SSBP3: variants seen among roughly 807,000 people sequenced by gnomAD.
The protein encoded by SSBP3 is single stranded DNA binding protein 3, also known as single-stranded DNA-binding protein 3.
SSBP3 carries 5 observed loss-of-function variants against 69.6 expected under a neutral mutation model. The ratio of observed to expected loss-of-function variants is 0.07; its 90% CI spans 0.04 to 0.15. The LOEUF (loss-of-function observed/expected upper bound fraction) is 0.15, where lower values mean the gene tolerates loss of function less well. SSBP3 is among the 10% of genes least tolerant of loss of function. SSBP3 has a pLI of 1.00. For synonymous variants in SSBP3, 196 were observed against 193.4 expected (o/e 1.01, Z -0.11); for missense variants, 312 against 534.0 (o/e 0.58, Z 4.10).
At chr1:54,233,958 T>C (rs909535002) in intron 14 of SSBP3, among the ~76,000 whole-genome samples, 2 of 152,246 alleles carry the variant, frequency 1.3e-5, no homozygotes, top group African/African-American at 4.8e-5. Flanking sequence ...GCCGTGTCTG[T>C]GTAGAAAGTA....
At chr1:54,314,614 T>C (rs191675713) in intron 4 of SSBP3, among the ~76,000 whole-genome samples, 2 of 152,230 alleles carry the variant, frequency 1.3e-5, no homozygotes, top group Non-Finnish European at 2.9e-5. Flanking sequence ...ACCTTGAACA[T>C]GCTTCCCTAG....
chr1:54,238,970 T>C (rs1644554836), intron 14 of SSBP3, 159 bp downstream of exon 14: 9 of 395,644 alleles, frequency 2.3e-5, no homozygotes, highest in Admixed American at 6.8e-5. Context: ...AAATGGGAAC[T>C]GAGTTGCCCA....
chr1:54,227,216 C>T lies in SSBP3; in HGVS notation c.1138-56G>A, dbSNP rs1644302346. 3 of 1,034,040 alleles carry T rather than the reference C, an allele frequency of 2.9e-6. No homozygotes were observed. In the Admixed American group the frequency reaches 5.1e-5, roughly 18 times the overall value. 64.1% of individuals were successfully genotyped at this position (1,034,040 alleles called of 1,614,324 possible). A position where few individuals can be genotyped will look rare whatever the true frequency, so the allele number is the denominator to read the frequency against. On this transcript the variant is annotated intron_variant, in intron 17 of 17. Coordinates refer to ENST00000610401, the Ensembl canonical transcript of SSBP3. Reference sequence around the variant, plus strand: ...GTGAGGATTGTGGGGAGGCCGCTGACACACCCAGGTGCCAAGAGCCTGGGG... The same window carrying T: ...GTGAGGATTGTGGGGAGGCCGCTGATACACCCAGGTGCCAAGAGCCTGGGG...
rs1029048013 is a variant in SSBP3, at chr1:54,376,034, T to C, written c.276+25827A>G. On this transcript the variant is annotated intron_variant, in intron 4 of 17. Coordinates refer to ENST00000610401, the Ensembl canonical transcript of SSBP3. The stretch of plus-strand genomic sequence containing the variant: ...AGGGAGGGGGAGGAAAGAGCCTTTG[T>C]GCTGGCTTCCCCCACTCCACAGTAC... Among the ~76,000 whole-genome samples the C allele has an allele frequency of 5.3e-5, 8 of 152,212 alleles. No homozygotes were observed. The South Asian group carries it at 1.5e-3, about 28-fold the overall frequency.
intron 14 of SSBP3, among the ~76,000 whole-genome samples, chr1:54,230,917 A>C (rs1644369479): frequency 6.6e-6 from 1 of 152,218 alleles, no homozygotes; most frequent in African/African-American, 2.4e-5. Context: ...TCATCAGCAG[A>C]AGGAACGTTC....
chr1:54,238,607 C>T (rs1644543809), intron 14 of SSBP3: 3 of 329,930 alleles, frequency 9.1e-6, no homozygotes, highest in East Asian at 8.1e-5. Context: ...ATGTGAGCTG[C>T]AACATCACCC....
chr1:54,238,168 T>A, intron 14 of SSBP3: 1 of 471,002 alleles, frequency 2.1e-6, no homozygotes, highest in East Asian at 7.0e-5. Context: ...GGCTGCTGGA[T>A]GTAGGCAATA....
intron 4 of SSBP3, among the ~76,000 whole-genome samples, chr1:54,353,358 C>T (rs1320047956): frequency 6.6e-6 from 1 of 152,210 alleles, no homozygotes; most frequent in Non-Finnish European, 1.5e-5. Context: ...CTTTCAGATC[C>T]TACAGGTTCC....
chr1:54,261,305 C>T (rs977049586), intron 5 of SSBP3, among the ~76,000 whole-genome samples: 2 of 152,244 alleles, frequency 1.3e-5, no homozygotes, highest in African/African-American at 4.8e-5. Context: ...ACAAAAAGTG[C>T]TCTCGTCTTC....
chr1:54,331,595 C>G lies in SSBP3; in HGVS notation c.277-50068G>C, dbSNP rs1042303815. On this transcript the variant is annotated intron_variant, in intron 4 of 17. Transcript: ENST00000610401. ...AATAACAGAGCTGGAGTTCCTCTTA[C>G]GTGACACAGGATTTGGCATTTGCCT... Among the ~76,000 whole-genome samples, 7 of 152,352 alleles carry G rather than the reference C, an allele frequency of 4.6e-5. No individual in the cohort carries two copies. In the East Asian group the frequency reaches 7.7e-4, roughly 17 times the overall value.
intron 4 of SSBP3, among the ~76,000 whole-genome samples, chr1:54,321,585 G>A (rs919458026): frequency 5.9e-5 from 9 of 152,250 alleles, no homozygotes; most frequent in African/African-American, 1.9e-4. Flanking sequence ...TAACCTGACT[G>A]CACTTCGGTT....
chr1:54,378,053 G>A (rs1484199118), intron 4 of SSBP3, among the ~76,000 whole-genome samples: 1 of 152,066 alleles, frequency 6.6e-6, no homozygotes, highest in African/African-American at 2.4e-5. Context: ...AACCTCTACA[G>A]GCCCCGGTCC....
At chr1:54,251,727 G>A (rs1175487486) in intron 8 of SSBP3, 35 bp from the exon 9 acceptor site, 4 of 1,583,578 alleles carry the variant, frequency 2.5e-6, no homozygotes, top group Non-Finnish European at 3.4e-6. Flanking sequence ...TGGGATGGCA[G>A]GAGTGGAGGG....
intron 4 of SSBP3, among the ~76,000 whole-genome samples, chr1:54,372,085 C>T (rs930561962): frequency 6.6e-6 from 1 of 152,208 alleles, no homozygotes; most frequent in Non-Finnish European, 1.5e-5. Context: ...TCAGGCAAGG[C>T]AGGCTAGGCA....
chr1:54,376,415 T>C (rs1034094474), intron 4 of SSBP3, among the ~76,000 whole-genome samples: 3 of 152,142 alleles, frequency 2.0e-5, no homozygotes, highest in African/African-American at 7.2e-5. Flanking sequence ...CAAGGAATGG[T>C]GCTCCCAACC....
Position 54,294,160 on chromosome 1 carries a change from AAAGAAAGAAAGAAAG to A in SSBP3, c.277-12648_277-12634del, listed in dbSNP as rs1195192189. Reference sequence around the variant, plus strand: ...TCCATCTCAAAAAAAAAAAAAAAAAAAAGAAAGAAAGAAAGAAAGAAAGAAAGAAAGAAAAGAAAA... The same window carrying A: ...TCCATCTCAAAAAAAAAAAAAAAAAAAAAGAAAGAAAGAAAGAAAAGAAAA... On this transcript the variant is annotated intron_variant, in intron 4 of 17. Transcript: ENST00000610401. Among the ~76,000 whole-genome samples the A allele has an allele frequency of 2.2e-3, 152 of 68,790 alleles. 5 individuals carry two copies. The highest frequency in any genetic ancestry group is 6.6e-3 in the South Asian group (11 of 1,666). 45.1% of individuals were successfully genotyped at this position (68,790 alleles called of 152,430 possible). A position where few individuals can be genotyped will look rare whatever the true frequency, so the allele number is the denominator to read the frequency against.
chr1:54,271,916 C>T (rs1017117424), intron 5 of SSBP3, among the ~76,000 whole-genome samples: 2 of 152,098 alleles, frequency 1.3e-5, no homozygotes, highest in African/African-American at 2.4e-5. Flanking sequence ...ATTCCAGTCG[C>T]ATGCCACCAT....
chr1:54,364,151 G>A (rs12082870), intron 4 of SSBP3, among the ~76,000 whole-genome samples: 10,168 of 152,216 alleles, frequency 0.067, 840 homozygotes, highest in African/African-American at 0.2. Context: ...AAGTTTTATT[G>A]GGACACAACC....
At chr1:54,396,616 A>C (rs1648906203) in intron 4 of SSBP3, among the ~76,000 whole-genome samples, 1 of 152,040 alleles carries the variant, frequency 6.6e-6, no homozygotes, top group Admixed American at 6.5e-5. Context: ...CGACCTAAGG[A>C]ACTGTGGGGA....
Sources: allele counts gnomAD v4.1 joint callset (sites outside exome capture counted in the v4.1 genomes callset), GRCh38; gene constraint gnomAD v4.1.1; transcripts MANE v1.5; gene names NCBI Gene and HGNC (gene_info 2026-07-23, HGNC 2026-07-21).